CENPC: variants seen among roughly 807,000 people sequenced by gnomAD.
The protein encoded by CENPC is CENP-C 1.
CENPC carries 63 observed loss-of-function variants against 112.1 expected under a neutral mutation model. That is an observed-to-expected ratio of 0.56 (90% CI 0.46 to 0.69). CENPC has a LOEUF of 0.69. Ranked by LOEUF, CENPC falls within the 30% of genes least tolerant of loss-of-function variation. CENPC has a pLI of 0.00. For synonymous variants in CENPC, 333 were observed against 367.6 expected (o/e 0.91, Z 1.08); for missense variants, 1,000 against 1,103.8 (o/e 0.91, Z 1.33).
At chr4:67,520,514 A>C (rs545293040) in intron 5 of CENPC, among the ~76,000 whole-genome samples, 1 of 152,236 alleles carries the variant, frequency 6.6e-6, no homozygotes, top group South Asian at 2.1e-4. Context: ...CCTCCACCCA[A>C]TGATATAAGG....
intron 2 of CENPC, among the ~76,000 whole-genome samples, chr4:67,541,836 C>T (rs894936544): frequency 2.6e-5 from 4 of 152,278 alleles, no homozygotes; most frequent in African/African-American, 9.6e-5. Flanking sequence ...ACCTTTCTCT[C>T]ATCTCCTTCC....
At position 67,519,212 on chromosome 4, in the gene CENPC, G is replaced by C. The variant is rs765735983; in HGVS notation, c.617+5C>G. 3.9e-6 allele frequency: 6 copies of C among 1,521,688 alleles called. No individual in the cohort carries two copies. The highest frequency in any genetic ancestry group is 5.3e-6 in the Non-Finnish European group (6 of 1,132,362). The allele number at this position is 1,521,688 out of a possible 1,614,324, so 94.3% of individuals were successfully genotyped here. A position where few individuals can be genotyped will look rare whatever the true frequency, so the allele number is the denominator to read the frequency against. ...TGCGTTAACATTATTTAAATAAAAT[G>C]TTACCTTTTTTTGGTTTTAACTGAA... On this transcript the variant is annotated splice_donor_5th_base_variant and intron_variant, in intron 6 of 18. Transcript: ENST00000273853.
At chr4:67,485,714 A>G (rs1193580203) in intron 17 of CENPC, among the ~76,000 whole-genome samples, 46 of 152,226 alleles carry the variant, frequency 3.0e-4, no homozygotes. Context: ...CAGAATAACA[A>G]TAACAGCTAG....
chr4:67,527,802 C>T (rs1212787527), intron 5 of CENPC, among the ~76,000 whole-genome samples: 1 of 151,758 alleles, frequency 6.6e-6, no homozygotes, highest in Non-Finnish European at 1.5e-5. Flanking sequence ...TGCTTGGACC[C>T]ATCACTGTTA....
intron 12 of CENPC, among the ~76,000 whole-genome samples, chr4:67,501,889 T>G (rs187453041): frequency 2.0e-5 from 3 of 152,272 alleles, no homozygotes; most frequent in Admixed American, 2.0e-4. Flanking sequence ...GAAATCTTGA[T>G]GAAGGGGATA....
intron 5 of CENPC, among the ~76,000 whole-genome samples, chr4:67,524,612 A>T (rs1464149929): frequency 6.6e-6 from 1 of 152,166 alleles, no homozygotes; most frequent in Non-Finnish European, 1.5e-5. Flanking sequence ...AATACCTAGG[A>T]ATACAACTTA....
At chr4:67,529,611 C>T (rs1214911175) in intron 5 of CENPC, among the ~76,000 whole-genome samples, 1 of 152,168 alleles carries the variant, frequency 6.6e-6, no homozygotes, top group Non-Finnish European at 1.5e-5. Context: ...CAGGCATGAG[C>T]AACCACTCCT....
chr4:67,488,531 C>T (rs1025363353), intron 17 of CENPC, among the ~76,000 whole-genome samples: 2 of 151,950 alleles, frequency 1.3e-5, no homozygotes. Context: ...TTTCCATTAA[C>T]TCAGTAACTA....
At chr4:67,544,315 A>G in intron 1 of CENPC, 120 bp from the exon 2 acceptor site, 1 of 619,060 alleles carries the variant, frequency 1.6e-6, no homozygotes. Flanking sequence ...TAAGGGCTCA[A>G]AACAATTTTG....
At chr4:67,490,881 AATATATAGAAATAT>A (rs1477118875) in intron 16 of CENPC, among the ~76,000 whole-genome samples, 3 of 4,040 alleles carry the variant, frequency 7.4e-4, no homozygotes, top group African/African-American at 1.3e-3. Context: ...TATATATAGA[AATATATAGAAATAT>A]ATATATAGAA....
At chr4:67,532,641 G>C (rs1477239467) in intron 4 of CENPC, among the ~76,000 whole-genome samples, 1 of 152,010 alleles carries the variant, frequency 6.6e-6, no homozygotes. Context: ...GCAAACTATT[G>C]CGAGGACAGA....
Position 67,529,029 on chromosome 4 carries a change from T to C in CENPC, c.331+1786A>G, listed in dbSNP as rs143454639. ...AGCTAACCTAGTGAGTGTAAAGTGGTATCTCCCTAGGGTCTTGATTTGCAT... is the reference window on the plus strand; with the variant it reads ...AGCTAACCTAGTGAGTGTAAAGTGGCATCTCCCTAGGGTCTTGATTTGCAT... On this transcript the variant is annotated intron_variant, in intron 5 of 18. Transcript: ENST00000273853. Among the ~76,000 whole-genome samples the C allele has an allele frequency of 5.3e-5, 8 of 152,334 alleles. No individual in the cohort carries two copies. The East Asian group carries it at 1.3e-3, about 26-fold the overall frequency.
chr4:67,512,665 T>A, intron 8 of CENPC, 96 bp from the exon 9 acceptor site: 3 of 844,416 alleles, frequency 3.6e-6, no homozygotes. Context: ...TACAGGAACT[T>A]CTTAAATTTA....
At chr4:67,512,916 G>T (rs1725937535) in intron 8 of CENPC, among the ~76,000 whole-genome samples, 1 of 152,054 alleles carries the variant, frequency 6.6e-6, no homozygotes, top group Non-Finnish European at 1.5e-5. Context: ...TTGAAATAAT[G>T]ATTTTTTTCA....
intron 17 of CENPC, among the ~76,000 whole-genome samples, chr4:67,487,961 A>G (rs1725136830): frequency 6.6e-6 from 1 of 151,716 alleles, no homozygotes; most frequent in African/African-American, 2.4e-5. Context: ...TTTAAAATGT[A>G]AAAATACGAG....
intron 9 of CENPC, 57 bp downstream of exon 9, chr4:67,512,345 G>T: frequency 8.3e-7 from 1 of 1,207,264 alleles, no homozygotes; most frequent in Non-Finnish European, 1.2e-6. Context: ...CAAACATAAT[G>T]CCCCTTACAG....
chr4:67,530,720 C>T (rs111546145), intron 5 of CENPC, 95 bp downstream of exon 5: 5 of 535,532 alleles, frequency 9.3e-6, no homozygotes, highest in African/African-American at 2.0e-5. Context: ...CTAGGCTGAC[C>T]CTGACCTTCA....
chr4:67,523,716 C>A (rs1726295358), intron 5 of CENPC, among the ~76,000 whole-genome samples: 1 of 152,138 alleles, frequency 6.6e-6, no homozygotes, highest in South Asian at 2.1e-4. Flanking sequence ...GGTCTAGCAG[C>A]AACAACTCTA....
intron 4 of CENPC, among the ~76,000 whole-genome samples, chr4:67,535,905 T>G (rs1035283017): frequency 6.6e-6 from 1 of 152,134 alleles, no homozygotes; most frequent in Non-Finnish European, 1.5e-5. Flanking sequence ...TAGCTAAGAC[T>G]AAAAAGTTGG....
Sources: allele counts gnomAD v4.1 joint callset (sites outside exome capture counted in the v4.1 genomes callset), GRCh38; gene constraint gnomAD v4.1.1; transcripts MANE v1.5; gene names NCBI Gene and HGNC (gene_info 2026-07-23, HGNC 2026-07-21).